PI4K2B: variants seen among roughly 807,000 people sequenced by gnomAD.
The protein encoded by PI4K2B is phosphatidylinositol 4-kinase type 2 beta.
In PI4K2B, 46 loss-of-function variants were observed where a neutral mutation model predicts 56.6. The ratio of observed to expected loss-of-function variants is 0.81; its 90% CI spans 0.64 to 1.04. The LOEUF (loss-of-function observed/expected upper bound fraction) is 1.04, where lower values mean the gene tolerates loss of function less well. PI4K2B is among the 50% of genes least tolerant of loss of function. The pLI, the probability that PI4K2B is intolerant of heterozygous loss-of-function variation, is 0.00. For synonymous variants in PI4K2B, 211 were observed against 223.8 expected (o/e 0.94, Z 0.51); for missense variants, 556 against 607.7 (o/e 0.91, Z 0.89).
chr4:25,267,491 G>C (rs760022691), intron 7 of PI4K2B, among the ~76,000 whole-genome samples: 4 of 152,194 alleles, frequency 2.6e-5, no homozygotes, highest in Non-Finnish European at 5.9e-5. Context: ...GGAGATTGAG[G>C]CTATAGCGAA....
At chr4:25,263,257 A>G (rs973811016) in intron 6 of PI4K2B, among the ~76,000 whole-genome samples, 2 of 152,164 alleles carry the variant, frequency 1.3e-5, no homozygotes, top group African/African-American at 4.8e-5. Flanking sequence ...GAATATCTTG[A>G]GGTTCCTTCT....
chr4:25,256,695 G>A, intron 4 of PI4K2B, 21 bp downstream of exon 4: 1 of 1,608,868 alleles, frequency 6.2e-7, no homozygotes, highest in African/African-American at 1.3e-5. Flanking sequence ...CTGATAAGCT[G>A]TATTTAGAGG....
At chr4:25,276,181 GA>G (rs905849088) in intron 9 of PI4K2B, 4 of 152,576 alleles carry the variant, frequency 2.6e-5, no homozygotes, top group African/African-American at 7.2e-5. Context: ...AATATGCAGG[GA>G]AAAAAGAAGA....
intron 8 of PI4K2B, 99 bp downstream of exon 8, chr4:25,268,675 G>C: frequency 1.3e-6 from 1 of 769,844 alleles, no homozygotes; most frequent in Non-Finnish European, 2.0e-6. Flanking sequence ...TTCTTGTATT[G>C]CTGCTTGCCA....
chr4:25,273,416 C>G (rs1716980218), intron 9 of PI4K2B, among the ~76,000 whole-genome samples: 1 of 152,132 alleles, frequency 6.6e-6, no homozygotes, highest in Non-Finnish European at 1.5e-5. Flanking sequence ...TTTACAGATT[C>G]AATAATAATT....
chr4:25,236,385 T>A lies in PI4K2B; in HGVS notation c.268+1954T>A, dbSNP rs537037794. The stretch of plus-strand genomic sequence containing the variant: ...GGCCAACATGGTGAAACCCTGCCTC[T>A]ACTAAAAATAGAAAAATTAGCCAGG... On this transcript the variant is annotated intron_variant, in intron 1 of 9. Coordinates refer to ENST00000264864, the MANE Select transcript of PI4K2B (RefSeq NM_018323.4). 7.4e-4 allele frequency among the ~76,000 whole-genome samples: 112 copies of A among 152,190 alleles called. 2 individuals carry two copies. In the South Asian group the frequency reaches 0.022, roughly 29 times the overall value.
At chr4:25,267,667 C>T (rs1052462092) in intron 7 of PI4K2B, 3 of 489,188 alleles carry the variant, frequency 6.1e-6, no homozygotes, top group Non-Finnish European at 5.3e-6. Flanking sequence ...AAACCTTACA[C>T]TCTTGCAGGA....
chr4:25,271,109 G>T (rs139574587), intron 9 of PI4K2B, among the ~76,000 whole-genome samples: 2 of 152,182 alleles, frequency 1.3e-5, no homozygotes, highest in Admixed American at 6.5e-5. Context: ...ATTAGCTCAC[G>T]CATCTCTCTG....
At chr4:25,271,942 A>G (rs1435179658) in intron 9 of PI4K2B, among the ~76,000 whole-genome samples, 4 of 152,184 alleles carry the variant, frequency 2.6e-5, no homozygotes, top group Non-Finnish European at 5.9e-5. Context: ...CAGGAGTTCA[A>G]GATCAGCCTG....
intron 1 of PI4K2B, among the ~76,000 whole-genome samples, chr4:25,236,142 A>G (rs1311064021): frequency 6.6e-6 from 1 of 151,954 alleles, no homozygotes; most frequent in African/African-American, 2.4e-5. Flanking sequence ...TTTTAAAAAA[A>G]TATTTTATTC....
chr4:25,255,369 C>T, intron 3 of PI4K2B, 104 bp downstream of exon 3: 2 of 979,834 alleles, frequency 2.0e-6, no homozygotes, highest in Non-Finnish European at 3.1e-6. Flanking sequence ...AGTGGAGCCC[C>T]TTTTTTGGTA....
At chr4:25,238,664 T>C (rs1715373069) in intron 1 of PI4K2B, among the ~76,000 whole-genome samples, 1 of 150,864 alleles carries the variant, frequency 6.6e-6, no homozygotes, top group Admixed American at 6.6e-5. Context: ...GCGTCTGGAG[T>C]TGTTCATTCC....
rs1036630615 is a variant in PI4K2B at position 25,268,698 on chromosome 4, G to A, written c.1212+122G>A. The A allele has an allele frequency of 3.5e-5, 22 of 625,026 alleles. No individual in the cohort carries two copies. In the Admixed American group the frequency reaches 5.2e-4, roughly 15 times the overall value. 38.7% of individuals were successfully genotyped at this position (625,026 alleles called of 1,614,324 possible). ...TTGCTGCTTGCCATAAAACCTGACA[G>A]GACAGAGAGGAATTAGCAGTTTTAT... is the stretch of plus-strand genomic sequence containing the variant. On this transcript the variant is annotated intron_variant, in intron 8 of 9. Coordinates refer to ENST00000264864, the MANE Select transcript of PI4K2B (RefSeq NM_018323.4).
intron 1 of PI4K2B, among the ~76,000 whole-genome samples, chr4:25,251,481 A>G (rs1048223448): frequency 9.2e-5 from 14 of 152,256 alleles, no homozygotes; most frequent in Non-Finnish European, 1.6e-4. Flanking sequence ...GTGAAGACCC[A>G]GCATAATTTA....
At chr4:25,249,264 C>T (rs1715928427) in intron 1 of PI4K2B, among the ~76,000 whole-genome samples, 1 of 152,190 alleles carries the variant, frequency 6.6e-6, no homozygotes, top group African/African-American at 2.4e-5. Context: ...CCCACATTTC[C>T]CCCTTATCTA....
intron 9 of PI4K2B, among the ~76,000 whole-genome samples, chr4:25,271,454 A>G (rs1716885307): frequency 1.3e-5 from 2 of 152,334 alleles, no homozygotes; most frequent in African/African-American, 4.8e-5. Context: ...GGACTACTGC[A>G]GAAGGCTGGG....
At position 25,259,083 on chromosome 4, in the gene PI4K2B, A is replaced by G; in HGVS notation, c.803A>G (p.Tyr268Cys). Residue 268 changes from tyrosine (Y) to cysteine (C), a missense_variant, in exon 5 of 10, where the codon TAT (tyrosine) becomes TGT (cysteine). By Grantham distance (194) the Tyr-to-Cys change is radical (BLOSUM62 -2). Transcript: ENST00000264864. The part of the protein sequence containing the change: ...LFVEGYKEAE[Y>C]WLRKFEADPL... ...GTTGAAGGTTACAAGGAGGCTGAAT[A>G]TTGGCTTAGGAAATTTGAAGCTGAC... 1 of 1,593,056 alleles carries G rather than the reference A, an allele frequency of 6.3e-7. No homozygotes were observed. Among genetic ancestry groups the G allele is most frequent in the Non-Finnish European group, 8.6e-7 (1 of 1,161,604 alleles).
chr4:25,256,127 A>G (rs1560374052), intron 3 of PI4K2B, among the ~76,000 whole-genome samples: 1 of 152,196 alleles, frequency 6.6e-6, no homozygotes, highest in Admixed American at 6.5e-5. Context: ...CATGTTGCCC[A>G]GGCTGGTCTC....
intron 9 of PI4K2B, chr4:25,276,742 G>A: frequency 3.0e-6 from 3 of 985,196 alleles, no homozygotes; most frequent in Non-Finnish European, 3.6e-6. Context: ...CTGGACATAG[G>A]CAGGATATTC....
Sources: gnomAD v4.1 joint callset for allele counts (sites outside exome capture counted in the v4.1 genomes callset) on GRCh38, gnomAD v4.1.1 for gene constraint, MANE v1.5 for transcripts, NCBI Gene and HGNC (gene_info 2026-07-23, HGNC 2026-07-21) for gene names.